The following AP3S1 variants were observed in gnomAD, a reference collection of about 807,000 sequenced individuals.
AP3S1 encodes adaptor related protein complex 3 subunit sigma 1, also known as AP-3 complex subunit sigma-1.
A neutral mutation model predicts 21.3 loss-of-function variants in AP3S1; 12 were observed. That is an observed-to-expected ratio of 0.56 (90% CI 0.36 to 0.91). The LOEUF (loss-of-function observed/expected upper bound fraction) is 0.91, where lower values mean the gene tolerates loss of function less well. AP3S1 is among the 40% of genes least tolerant of loss of function. AP3S1 has a pLI of 0.01. For missense variants in AP3S1, 116 were observed against 225.0 expected (o/e 0.52, Z 3.10); for synonymous variants, 48 against 78.4 (o/e 0.61, Z 2.05).
At chr5:115,883,086 T>C (rs942854916) in intron 3 of AP3S1, among the ~76,000 whole-genome samples, 3 of 152,242 alleles carry the variant, frequency 2.0e-5, no homozygotes, top group African/African-American at 7.2e-5. Flanking sequence ...GACTTCAGAC[T>C]GCTGTGCTGG....
chr5:115,901,783 C>A (rs1205802410), intron 4 of AP3S1, among the ~76,000 whole-genome samples: 3 of 152,060 alleles, frequency 2.0e-5, no homozygotes, highest in African/African-American at 7.2e-5. Flanking sequence ...TCCACCTTGT[C>A]CTCCCAAAGT....
chr5:115,902,027 T>C (rs1218379299), intron 4 of AP3S1, among the ~76,000 whole-genome samples: 1 of 152,234 alleles, frequency 6.6e-6, no homozygotes, highest in African/African-American at 2.4e-5. Context: ...GCCTATATTA[T>C]TTCTGTCTCT....
intron 1 of AP3S1, among the ~76,000 whole-genome samples, chr5:115,853,901 A>G (rs1416669724): frequency 6.6e-6 from 1 of 152,176 alleles, no homozygotes; most frequent in Non-Finnish European, 1.5e-5. Context: ...GAAATTGGGA[A>G]ATATTTTAAT....
Position 115,866,711 on chromosome 5 carries a change from T to G in AP3S1, c.111T>G (p.His37Gln). 6.2e-7 allele frequency: 1 copy of G among 1,606,540 alleles called. No homozygotes were observed. The highest frequency in any genetic ancestry group is 8.5e-7 in the Non-Finnish European group (1 of 1,175,278). Residue 37 changes from histidine (H) to glutamine (Q), a missense_variant, in exon 2 of 6, where the codon CAT becomes CAG. Physicochemically the swap from His to Gln is conservative, Grantham distance 24 (BLOSUM62 0). This residue lies in a region of AP3S1 where 50 missense variants were observed against 55.5 expected (regional missense o/e 0.90). Transcript: ENST00000316788. ...TQQQIIRETFHLVSKRDENVC... is the reference protein window; with the variant it reads ...TQQQIIRETFQLVSKRDENVC... Reference sequence around the variant, plus strand: ...AGCAAATCATCAGGGAGACTTTCCATTTGGTATCTAAGAGAGATGAAAATG... The same window carrying G: ...AGCAAATCATCAGGGAGACTTTCCAGTTGGTATCTAAGAGAGATGAAAATG...
chr5:115,843,838 C>T (rs1761849238), intron 1 of AP3S1, among the ~76,000 whole-genome samples: 1 of 152,106 alleles, frequency 6.6e-6, no homozygotes, highest in African/African-American at 2.4e-5. Context: ...TTTCCCTTGT[C>T]CAAAAGTGGG....
At chr5:115,853,150 T>C (rs1345725739) in intron 1 of AP3S1, 1 of 357,752 alleles carries the variant, frequency 2.8e-6, no homozygotes, top group Non-Finnish European at 5.5e-6. Context: ...TTGTTGGTTA[T>C]TTTTATTCTA....
chr5:115,861,152 G>A (rs1291179449), intron 1 of AP3S1, among the ~76,000 whole-genome samples: 2 of 152,156 alleles, frequency 1.3e-5, no homozygotes, highest in African/African-American at 4.8e-5. Flanking sequence ...GGAGAAAAAA[G>A]GGACTAATTT....
intron 1 of AP3S1, among the ~76,000 whole-genome samples, chr5:115,866,334 C>A (rs1251358803): frequency 2.0e-5 from 3 of 152,160 alleles, no homozygotes; most frequent in Admixed American, 1.3e-4. Context: ...ATTCAGTTTA[C>A]TCATTTGTAA....
intron 5 of AP3S1, among the ~76,000 whole-genome samples, chr5:115,906,072 C>T (rs1255881298): frequency 6.6e-6 from 1 of 152,160 alleles, no homozygotes; most frequent in South Asian, 2.1e-4. Context: ...GCGCAAGAAT[C>T]GCCCGATTCC....
intron 3 of AP3S1, among the ~76,000 whole-genome samples, chr5:115,884,436 G>A (rs1226074003): frequency 2.0e-5 from 3 of 152,090 alleles, no homozygotes; most frequent in African/African-American, 4.8e-5. Context: ...ATGGTGGTGC[G>A]CGCCTGTAAT....
At chr5:115,859,318 T>C (rs1310870768) in intron 1 of AP3S1, among the ~76,000 whole-genome samples, 1 of 152,230 alleles carries the variant, frequency 6.6e-6, no homozygotes, top group African/African-American at 2.4e-5. Flanking sequence ...GAACCTTTCA[T>C]GTGGGCCTTT....
chr5:115,898,432 A>G (rs1324506097), intron 4 of AP3S1, among the ~76,000 whole-genome samples: 1 of 152,192 alleles, frequency 6.6e-6, no homozygotes, highest in East Asian at 1.9e-4. Flanking sequence ...AGTGGGACAG[A>G]CCCACCCCTA....
intron 1 of AP3S1, among the ~76,000 whole-genome samples, chr5:115,854,453 C>T (rs1294285284): frequency 6.6e-6 from 1 of 151,890 alleles, no homozygotes; most frequent in African/African-American, 2.4e-5. Context: ...TGTAGGTGCC[C>T]CAGTCTCTTC....
chr5:115,863,701 G>T (rs1278556845), intron 1 of AP3S1, among the ~76,000 whole-genome samples: 1 of 152,160 alleles, frequency 6.6e-6, no homozygotes, highest in Non-Finnish European at 1.5e-5. Flanking sequence ...TGTGGGCACA[G>T]GAATGCTATA....
chr5:115,848,790 T>C (rs7706984), intron 1 of AP3S1, among the ~76,000 whole-genome samples: 8,849 of 152,286 alleles, frequency 0.058, 781 homozygotes, highest in African/African-American at 0.19. Context: ...TAAACACATT[T>C]TTTCCTCACC....
intron 1 of AP3S1, among the ~76,000 whole-genome samples, chr5:115,850,872 T>A (rs1174358154): frequency 6.6e-6 from 1 of 152,132 alleles, no homozygotes; most frequent in African/African-American, 2.4e-5. Context: ...TGGCCATTGT[T>A]ACAAGCAGGT....
At chr5:115,908,552 C>T (rs1014122257) in intron 5 of AP3S1, among the ~76,000 whole-genome samples, 3 of 151,800 alleles carry the variant, frequency 2.0e-5, no homozygotes, top group African/African-American at 4.8e-5. Context: ...ATGATAAATC[C>T]ATGAAAGTCA....
chr5:115,851,346 G>A (rs920292653), intron 1 of AP3S1, among the ~76,000 whole-genome samples: 10 of 152,270 alleles, frequency 6.6e-5, no homozygotes, highest in African/African-American at 2.4e-4. Flanking sequence ...ATACCCAGAA[G>A]TGGAATTGTT....
chr5:115,854,192 C>T (rs1762637793), intron 1 of AP3S1, among the ~76,000 whole-genome samples: 1 of 152,102 alleles, frequency 6.6e-6, no homozygotes, highest in Non-Finnish European at 1.5e-5. Context: ...ACCTTATCAC[C>T]TTTTAAAGGT....
Sources: gnomAD v4.1 joint callset for allele counts (sites outside exome capture counted in the v4.1 genomes callset) on GRCh38, gnomAD v4.1.1 for gene constraint, gnomAD v4.1.1 regional missense constraint, MANE v1.5 for transcripts, NCBI Gene and HGNC (gene_info 2026-07-23, HGNC 2026-07-21) for gene names.